IMPG1: variants seen among roughly 807,000 people sequenced by gnomAD.
IMPG1 encodes the protein interphotoreceptor matrix proteoglycan of 150 kDa.
A neutral mutation model predicts 92.0 loss-of-function variants in IMPG1; 85 were observed. That is an observed-to-expected ratio of 0.92 (90% CI 0.78 to 1.11). IMPG1 has a LOEUF of 1.11. IMPG1 is among the 50% of genes least tolerant of loss of function. The probability of loss-of-function intolerance (pLI) is 0.00; values close to 1 mark genes in which losing one functional copy is unlikely to be tolerated. For synonymous variants in IMPG1, 367 were observed against 334.1 expected, an observed-to-expected ratio of 1.10 and a Z score of -1.08; for missense variants, 1,022 against 956.0, an observed-to-expected ratio of 1.07 and a Z score of -0.91.
At chr6:75,995,639 A>G (rs2149474596) in intron 12 of IMPG1, among the ~76,000 whole-genome samples, 1 of 152,278 alleles carries the variant, frequency 6.6e-6, no homozygotes, top group East Asian at 1.9e-4. Context: ...TTATTTGTAA[A>G]TTGTGTTACA....
intron 9 of IMPG1, among the ~76,000 whole-genome samples, 190 bp downstream of exon 9, chr6:76,007,290 T>C (rs1257769486): frequency 2.0e-5 from 3 of 151,428 alleles, no homozygotes; most frequent in African/African-American, 7.3e-5. Flanking sequence ...ACATAGTGAC[T>C]TTGATAAGAG....
At position 76,063,296 on chromosome 6, in the gene IMPG1, G is replaced by T. The variant is rs567871238; in HGVS notation, c.67+9126C>A. On this transcript the variant is annotated intron_variant, in intron 1 of 16. Transcript: ENST00000369950. ...AGAAGACTCAAAGTTACAGTTGAATGATTTTACACAGAATTTCAAGAGGAA... is the reference window on the plus strand; with the variant it reads ...AGAAGACTCAAAGTTACAGTTGAATTATTTTACACAGAATTTCAAGAGGAA... 2.5e-4 allele frequency among the ~76,000 whole-genome samples: 38 copies of T among 152,174 alleles called. No homozygotes were observed. The South Asian group carries it at 7.9e-3, about 32-fold the overall frequency.
intron 12 of IMPG1, among the ~76,000 whole-genome samples, chr6:76,000,463 A>G (rs1782968067): frequency 6.6e-6 from 1 of 152,162 alleles, no homozygotes; most frequent in African/African-American, 2.4e-5. Flanking sequence ...ATCTTTTTGT[A>G]TGGATCCATG....
chr6:75,992,775 C>T (rs1170449145), intron 12 of IMPG1, among the ~76,000 whole-genome samples: 2 of 152,188 alleles, frequency 1.3e-5, no homozygotes, highest in Non-Finnish European at 2.9e-5. Flanking sequence ...TCACTCCAGT[C>T]TCTGCAGCTT....
intron 1 of IMPG1, among the ~76,000 whole-genome samples, chr6:76,049,476 GTCTC>G (rs754469151): frequency 6.6e-6 from 1 of 151,640 alleles, no homozygotes; most frequent in African/African-American, 2.4e-5. Flanking sequence ...CTCTCTCTCT[GTCTC>G]TCTCTCTTTC....
At chr6:76,050,793 T>G (rs1012057594) in intron 1 of IMPG1, among the ~76,000 whole-genome samples, 1 of 151,956 alleles carries the variant, frequency 6.6e-6, no homozygotes, top group Non-Finnish European at 1.5e-5. Flanking sequence ...CTAGAGGAAA[T>G]TTTTTTTAGC....
At chr6:75,964,946 T>C (rs1782281035) in intron 12 of IMPG1, among the ~76,000 whole-genome samples, 1 of 152,196 alleles carries the variant, frequency 6.6e-6, no homozygotes, top group Admixed American at 6.5e-5. Context: ...TTCAAGGATG[T>C]TATATAAATG....
intron 1 of IMPG1, among the ~76,000 whole-genome samples, chr6:76,057,138 G>A (rs77112459): frequency 0.026 from 3,947 of 152,132 alleles, 145 homozygotes; most frequent in African/African-American, 0.087. Context: ...CACATGGGGG[G>A]CTGTTGGAAG....
intron 12 of IMPG1, among the ~76,000 whole-genome samples, chr6:75,996,435 G>A (rs988113221): frequency 3.9e-5 from 6 of 152,096 alleles, no homozygotes; most frequent in African/African-American, 7.2e-5. Context: ...TACAACCACC[G>A]TTAACTGCTT....
At chr6:75,924,713 A>AATTATATGATATATTATATAATT (rs1409806786) in intron 15 of IMPG1, among the ~76,000 whole-genome samples, 1 of 9,448 alleles carries the variant, frequency 1.1e-4, no homozygotes, top group Non-Finnish European at 1.9e-4. Flanking sequence ...TATAATATAT[A>AATTATATGATATATTATATAATT]ATATATAATA....
At chr6:75,926,494 C>T (rs1781552446) in intron 15 of IMPG1, among the ~76,000 whole-genome samples, 2 of 152,174 alleles carry the variant, frequency 1.3e-5, no homozygotes, top group African/African-American at 4.8e-5. Flanking sequence ...TTAAAACATC[C>T]TCATAAATGT....
At chr6:75,996,139 G>A (rs1352865008) in intron 12 of IMPG1, among the ~76,000 whole-genome samples, 5 of 152,126 alleles carry the variant, frequency 3.3e-5, no homozygotes, top group South Asian at 2.1e-4. Context: ...GTGATGGAAC[G>A]GTTTCCCATC....
intron 1 of IMPG1, among the ~76,000 whole-genome samples, chr6:76,058,708 G>C (rs1322313682): frequency 3.9e-5 from 6 of 152,126 alleles, no homozygotes; most frequent in Non-Finnish European, 5.9e-5. Context: ...ATCTGGCTAG[G>C]GGACTAGTTT....
chr6:75,948,289 A>G (rs1781962486), intron 13 of IMPG1, among the ~76,000 whole-genome samples: 1 of 152,230 alleles, frequency 6.6e-6, no homozygotes, highest in South Asian at 2.1e-4. Flanking sequence ...GCCTCCTGTG[A>G]GCCACGCCAT....
At chr6:75,962,287 TA>T (rs925387939) in intron 12 of IMPG1, among the ~76,000 whole-genome samples, 5 of 151,232 alleles carry the variant, frequency 3.3e-5, no homozygotes, top group African/African-American at 7.4e-5. Context: ...ACCCAGCAAT[TA>T]AAAAAATTTT....
chr6:75,946,183 G>A (rs1283972755), intron 14 of IMPG1, among the ~76,000 whole-genome samples: 1 of 152,224 alleles, frequency 6.6e-6, no homozygotes, highest in Non-Finnish European at 1.5e-5. Context: ...GGCTTACTCA[G>A]CTGCTCCTGT....
intron 1 of IMPG1, among the ~76,000 whole-genome samples, chr6:76,045,047 G>A (rs779301097): frequency 6.6e-6 from 1 of 152,294 alleles, no homozygotes; most frequent in South Asian, 2.1e-4. Context: ...AGTACACACA[G>A]CTGGGGGTCT....
intron 7 of IMPG1, among the ~76,000 whole-genome samples, chr6:76,017,594 T>C (rs905224252): frequency 6.6e-6 from 1 of 152,232 alleles, no homozygotes; most frequent in Non-Finnish European, 1.5e-5. Context: ...TCAAAAGCTG[T>C]ACATATTTAA....
intron 1 of IMPG1, among the ~76,000 whole-genome samples, chr6:76,050,084 G>A (rs1335188183): frequency 6.6e-6 from 1 of 152,088 alleles, no homozygotes; most frequent in Non-Finnish European, 1.5e-5. Flanking sequence ...AGTCAAATCT[G>A]CCCAAGGATG....
Sources: allele counts gnomAD v4.1 joint callset (sites outside exome capture counted in the v4.1 genomes callset), GRCh38; gene constraint gnomAD v4.1.1; transcripts MANE v1.5; gene names NCBI Gene and HGNC (gene_info 2026-07-23, HGNC 2026-07-21).